The following STAU1 variants were observed in gnomAD, a reference collection of about 807,000 sequenced individuals.
STAU1 encodes double-stranded RNA-binding protein Staufen homolog 1.
STAU1 carries 13 observed loss-of-function variants against 62.9 expected under a neutral mutation model. The ratio of observed to expected loss-of-function variants is 0.21; its 90% CI spans 0.13 to 0.33. The LOEUF (loss-of-function observed/expected upper bound fraction) is 0.33. STAU1 is among the 10% of genes least tolerant of loss of function. STAU1 has a pLI of 1.00. For missense variants in STAU1, 571 were observed against 712.1 expected, an observed-to-expected ratio of 0.80 and a Z score of 2.25; for synonymous variants, 269 against 265.1, an observed-to-expected ratio of 1.01 and a Z score of -0.14.
At chr20:49,187,198 G>A (rs763453576) in intron 1 of STAU1, among the ~76,000 whole-genome samples, 1 of 151,648 alleles carries the variant, frequency 6.6e-6, no homozygotes, top group African/African-American at 2.4e-5. Context: ...GGAATGACAA[G>A]AAGAAGCTGG....
intron 8 of STAU1, among the ~76,000 whole-genome samples, chr20:49,122,881 C>T (rs941774510): frequency 3.3e-5 from 5 of 152,056 alleles, no homozygotes; most frequent in Non-Finnish European, 7.4e-5. Context: ...AGCACCACTG[C>T]ACTCCAGCCT....
At position 49,119,968 on chromosome 20, in the gene STAU1, C is replaced by G. The variant is rs757519792; in HGVS notation, c.1113+14G>C. On this transcript the variant is annotated intron_variant, in intron 9 of 13. Coordinates refer to ENST00000371856, the MANE Select transcript of STAU1 (RefSeq NM_017453.4). ...GAGAGACCATCTTGCAATCAGAGAG[C>G]CCACAGCACTCACCTTCTCCTCTGA... 3 of 1,611,506 alleles carry G rather than the reference C, an allele frequency of 1.9e-6. No individual in the cohort carries two copies. The highest frequency in any genetic ancestry group is 1.7e-5 in the Admixed American group (1 of 59,806).
At chr20:49,178,506 TG>T (rs970297143) in intron 1 of STAU1, among the ~76,000 whole-genome samples, 71 of 152,268 alleles carry the variant, frequency 4.7e-4, no homozygotes, top group African/African-American at 1.6e-3. Context: ...CCCAACACTT[TG>T]GGAGGCCAAG....
At chr20:49,196,068 G>A in the STAU1 span, among the ~76,000 whole-genome samples, 1 of 147,288 alleles carries the variant, frequency 6.8e-6, no homozygotes, top group Non-Finnish European at 1.5e-5. Flanking sequence ...AGGTTGCAGT[G>A]AGCCGAGATC....
In STAU1 at chr20:49,175,646, A is replaced by AT. The variant is rs539276965; in HGVS notation, c.-159-1378dup. Among the ~76,000 whole-genome samples, 190 of 150,800 alleles carry AT rather than the reference A, an allele frequency of 1.3e-3. 3 individuals are homozygous for AT. The highest frequency in any genetic ancestry group is 6.9e-3 in the Middle Eastern group (2 of 288). The stretch of plus-strand genomic sequence containing the variant: ...AGGTGCCCGCTACCACGCCTGGCTA[A>AT]TTTTTTTATTTTTATTTTTAGTAGA... On this transcript the variant is annotated intron_variant, in intron 1 of 13. Coordinates refer to ENST00000371856, the MANE Select transcript of STAU1 (RefSeq NM_017453.4).
chr20:49,128,773 C>CAAAAAAAAAAAAAAAAAAAAACAAAAAAA (rs34891670), intron 6 of STAU1, among the ~76,000 whole-genome samples: 1 of 102,678 alleles, frequency 9.7e-6, no homozygotes, highest in Non-Finnish European at 2.0e-5. Context: ...CATCCAAATC[C>CAAAAAAAAAAAAAAAAAAAAACAAAAAAA]AAAAAAAAAA....
At chr20:49,137,960 A>C (rs979562765) in intron 5 of STAU1, among the ~76,000 whole-genome samples, 23 of 151,644 alleles carry the variant, frequency 1.5e-4, no homozygotes, top group African/African-American at 5.6e-4. Flanking sequence ...GATTACAGAC[A>C]TGAGCCACCG....
At chr20:49,128,773 CAAAAAA>C (rs34891670) in intron 6 of STAU1, among the ~76,000 whole-genome samples, 1 of 102,678 alleles carries the variant, frequency 9.7e-6, no homozygotes, top group Non-Finnish European at 2.0e-5. Flanking sequence ...CATCCAAATC[CAAAAAA>C]AAAAAAAAAA....
chr20:49,155,119 G>C (rs978100636), intron 3 of STAU1, among the ~76,000 whole-genome samples: 6 of 151,536 alleles, frequency 4.0e-5, no homozygotes, highest in African/African-American at 1.5e-4. Context: ...TCCTGCCCCA[G>C]AGGAGTTCAA....
At chr20:49,170,327 A>G (rs1313916202) in intron 2 of STAU1, among the ~76,000 whole-genome samples, 1 of 152,234 alleles carries the variant, frequency 6.6e-6, no homozygotes, top group East Asian at 1.9e-4. Flanking sequence ...AAATCTTTGT[A>G]CTATGAAATA....
upstream of STAU1, among the ~76,000 whole-genome samples, chr20:49,192,355 A>G (rs544859539): frequency 1.8e-4 from 28 of 151,884 alleles, no homozygotes; most frequent in Middle Eastern, 6.8e-3. Flanking sequence ...CAAAAAAAAA[A>G]AAAAAAGAAA....
intron 2 of STAU1, among the ~76,000 whole-genome samples, chr20:49,170,002 G>A (rs1272673066): frequency 6.6e-6 from 1 of 152,212 alleles, no homozygotes; most frequent in Non-Finnish European, 1.5e-5. Flanking sequence ...TTGGCTGGCA[G>A]TTACCGTTTT....
chr20:49,127,888 G>A (rs1193570747), intron 6 of STAU1, among the ~76,000 whole-genome samples: 3 of 151,802 alleles, frequency 2.0e-5, no homozygotes, highest in Non-Finnish European at 4.4e-5. Context: ...GGTGGCTCAC[G>A]CCTGTAATCC....
chr20:49,135,979 G>A, intron 5 of STAU1, 48 bp from the exon 6 acceptor site: 1 of 1,446,152 alleles, frequency 6.9e-7, no homozygotes, highest in Non-Finnish European at 9.6e-7. Flanking sequence ...AATAGTCAAT[G>A]GCCAGGTGAG....
In STAU1 at chr20:49,120,109, G is replaced by A. The variant is rs1439577105; in HGVS notation, c.986C>T (p.Thr329Ile). The A allele has an allele frequency of 6.2e-7, 1 of 1,613,980 alleles. No individual in the cohort carries two copies. Among genetic ancestry groups the A allele is most frequent in the Admixed American group, 1.7e-5 (1 of 60,012 alleles). Residue 329 changes from threonine (T) to isoleucine (I), a missense_variant, in exon 9 of 14, where the codon ACT becomes ATT. Physicochemically the swap from Thr to Ile is moderately conservative, Grantham distance 89. This residue lies in a region of STAU1 where 414 missense variants were observed against 499.6 expected (regional missense o/e 0.83). Coordinates refer to ENST00000371856, the MANE Select transcript of STAU1 (RefSeq NM_017453.4). ...CTTGTTGGTGCCCGTTCCTTCTGCA[G>A]TGTGGTTTCCAACCTTCACCTGCAC... The part of the protein sequence containing the change: ...FVMQVKVGNH[T>I]AEGTGTNKKV...
chr20:49,183,798 A>C (rs1227533663), intron 1 of STAU1, among the ~76,000 whole-genome samples: 1 of 152,208 alleles, frequency 6.6e-6, no homozygotes, highest in African/African-American at 2.4e-5. Context: ...ACTTCCGACT[A>C]ACACACGCTT....
intron 6 of STAU1, among the ~76,000 whole-genome samples, chr20:49,125,198 C>CAAAAAAAAAAACAAA (rs2092572309): frequency 3.0e-5 from 1 of 33,716 alleles, no homozygotes; most frequent in African/African-American, 9.1e-5. Context: ...CTCATTTTTG[C>CAAAAAAAAAAACAAA]AAAAAAAAAA....
the STAU1 span, among the ~76,000 whole-genome samples, chr20:49,207,086 C>T: frequency 1.3e-5 from 2 of 152,014 alleles, no homozygotes; most frequent in South Asian, 2.1e-4. Flanking sequence ...TAGCTAGGCA[C>T]GGTGGTGCAT....
intron 6 of STAU1, among the ~76,000 whole-genome samples, chr20:49,125,232 TAAAAA>T (rs565322149): frequency 4.9e-5 from 2 of 40,906 alleles, no homozygotes; most frequent in Non-Finnish European, 9.7e-5. Context: ...AAACGAAGGA[TAAAAA>T]AAATCAATGG....
Sources: gnomAD v4.1 joint callset for allele counts (sites outside exome capture counted in the v4.1 genomes callset) on GRCh38, gnomAD v4.1.1 for gene constraint, gnomAD v4.1.1 regional missense constraint, MANE v1.5 for transcripts, NCBI Gene and HGNC (gene_info 2026-07-23, HGNC 2026-07-21) for gene names.